CDH13: variants seen among roughly 807,000 people sequenced by gnomAD.
CDH13 encodes cadherin 13.
Under a neutral mutation model 63.8 loss-of-function variants are expected in CDH13, and 24 were observed. The ratio of observed to expected loss-of-function variants is 0.38; its 90% CI spans 0.27 to 0.53. The LOEUF is 0.53. Among genes scored for constraint, CDH13 ranks in the 20% least tolerant of loss-of-function variants. The pLI, the probability that CDH13 is intolerant of heterozygous loss-of-function variation, is 0.85. For missense variants in CDH13, 1,049 were observed against 903.1 expected (o/e 1.16, Z -2.07); for synonymous variants, 503 against 355.3 (o/e 1.42, Z -4.67).
intron 2 of CDH13, among the ~76,000 whole-genome samples, chr16:82,974,588 T>G (rs1909234289): frequency 6.6e-6 from 1 of 152,052 alleles, no homozygotes; most frequent in Non-Finnish European, 1.5e-5. Context: ...CAGATGTAAT[T>G]AGATTAAAAT....
chr16:83,035,120 A>G (rs779796628), intron 3 of CDH13, among the ~76,000 whole-genome samples: 3 of 152,198 alleles, frequency 2.0e-5, no homozygotes, highest in Non-Finnish European at 4.4e-5. Context: ...AAAATGAAGG[A>G]AAACAAAATA....
chr16:83,707,060 A>G (rs1907187622), intron 10 of CDH13, among the ~76,000 whole-genome samples: 1 of 152,210 alleles, frequency 6.6e-6, no homozygotes, highest in Non-Finnish European at 1.5e-5. Context: ...GATAAACAGC[A>G]CATCTACTCT....
chr16:83,376,844 T>C (rs1037042825), intron 6 of CDH13, among the ~76,000 whole-genome samples: 6 of 152,158 alleles, frequency 3.9e-5, no homozygotes, highest in Non-Finnish European at 7.3e-5. Flanking sequence ...ACTTCTTTGA[T>C]CCAGGCCTTA....
intron 4 of CDH13, among the ~76,000 whole-genome samples, chr16:83,170,943 T>C (rs1259389682): frequency 6.6e-6 from 1 of 152,100 alleles, no homozygotes; most frequent in African/African-American, 2.4e-5. Context: ...CCATCGTCGC[T>C]ATCCTCTTCT....
In CDH13 at chr16:83,344,920, A is replaced by G; in HGVS notation, c.695A>G (p.Glu232Gly). ...GKTLEGPVPL[E>G]VIVIDQNDNR... ...ACTCTCGAGGGGCCGGTGCCTCTGG[A>G]AGTCATTGTGATTGATCAGAATGAC... Residue 232 changes from glutamate to glycine, a missense_variant, in exon 6 of 14, where the codon GAA (glutamate) becomes GGA (glycine). Glu to Gly is a moderately conservative substitution (Grantham distance 98). Transcript: ENST00000567109. 1 of 1,614,022 alleles carries G rather than the reference A, an allele frequency of 6.2e-7. No individual in the cohort carries two copies. Among genetic ancestry groups the G allele is most frequent in the Non-Finnish European group, 8.5e-7 (1 of 1,179,856 alleles).
intron 7 of CDH13, 111 bp from the exon 8 acceptor site, chr16:83,602,342 TA>T: frequency 9.9e-7 from 1 of 1,010,100 alleles, no homozygotes; most frequent in East Asian, 2.4e-5. Flanking sequence ...TAAAGATGCC[TA>T]CCCTAGATGG....
rs1191816643 is a variant in CDH13, at chr16:83,185,369, A to T, written c.484-31976A>T. On this transcript the variant is annotated intron_variant, in intron 4 of 13. Transcript: ENST00000567109. ...CTGCACCTTGTAATTTCTGGCAACT[A>T]ATAATTTCTCAGTAAGTTTCTGTGT... is the stretch of plus-strand genomic sequence containing the variant. Among the ~76,000 whole-genome samples the T allele has an allele frequency of 2.0e-5, 3 of 152,340 alleles. No individual in the cohort carries two copies. In the East Asian group the frequency reaches 5.8e-4, roughly 29 times the overall value.
chr16:82,941,422 G>A (rs1271252398), intron 2 of CDH13, among the ~76,000 whole-genome samples: 1 of 151,982 alleles, frequency 6.6e-6, no homozygotes, highest in Non-Finnish European at 1.5e-5. Context: ...CCTACCAAAG[G>A]TCCCCTCCTA....
chr16:82,627,192 G>A (rs985141333), intron 1 of CDH13, 55 bp downstream of exon 1: 7 of 1,495,796 alleles, frequency 4.7e-6, no homozygotes, highest in Admixed American at 3.7e-5. Flanking sequence ...CATTCGGATC[G>A]CCCGGCACGG....
chr16:83,745,060 ATAT>A (rs1259755146), intron 10 of CDH13, among the ~76,000 whole-genome samples: 1 of 152,162 alleles, frequency 6.6e-6, no homozygotes, highest in Non-Finnish European at 1.5e-5. Context: ...GGGAGGAATA[ATAT>A]TATCAACCTC....
chr16:82,872,351 C>T (rs183217458), intron 2 of CDH13, among the ~76,000 whole-genome samples: 3 of 152,312 alleles, frequency 2.0e-5, no homozygotes, highest in East Asian at 1.9e-4. Context: ...TGTTGAGTGT[C>T]TTCACTCACT....
intron 7 of CDH13, among the ~76,000 whole-genome samples, chr16:83,577,726 G>A (rs543774278): frequency 5.9e-5 from 9 of 152,180 alleles, no homozygotes; most frequent in African/African-American, 1.9e-4. Flanking sequence ...CATCCCCCTC[G>A]AAATCACGTA....
intron 2 of CDH13, among the ~76,000 whole-genome samples, chr16:82,955,252 G>T (rs1905897583): frequency 6.6e-6 from 1 of 152,166 alleles, no homozygotes; most frequent in African/African-American, 2.4e-5. Context: ...AATTAAGCAA[G>T]ATGCCTGCCT....
At chr16:83,028,115 G>T (rs1035274554) in intron 2 of CDH13, among the ~76,000 whole-genome samples, 1 of 152,260 alleles carries the variant, frequency 6.6e-6, no homozygotes, top group Admixed American at 6.5e-5. Context: ...CTGTGATCCT[G>T]TTCGAGGGTT....
chr16:83,394,832 G>A (rs1361856726), intron 6 of CDH13, among the ~76,000 whole-genome samples: 1 of 152,094 alleles, frequency 6.6e-6, no homozygotes, highest in African/African-American at 2.4e-5. Context: ...GATGGATGGT[G>A]TGTGTGGTTC....
At chr16:83,418,695 A>G (rs764703513) in intron 6 of CDH13, among the ~76,000 whole-genome samples, 1 of 151,966 alleles carries the variant, frequency 6.6e-6, no homozygotes, top group African/African-American at 2.4e-5. Context: ...TAGCAAAGAG[A>G]GAGAGAGAGA....
intron 6 of CDH13, among the ~76,000 whole-genome samples, chr16:83,381,649 C>T (rs189449598): frequency 6.6e-6 from 1 of 152,012 alleles, no homozygotes; most frequent in Non-Finnish European, 1.5e-5. Flanking sequence ...AAAAAGCTCA[C>T]CTAAACCCAC....
intron 6 of CDH13, among the ~76,000 whole-genome samples, chr16:83,410,441 C>T (rs1232215884): frequency 6.6e-6 from 1 of 152,014 alleles, no homozygotes; most frequent in Non-Finnish European, 1.5e-5. Flanking sequence ...AGCATCTGAC[C>T]ACAATCTATA....
intron 2 of CDH13, among the ~76,000 whole-genome samples, chr16:82,933,899 G>A (rs955149479): frequency 1.8e-4 from 28 of 152,340 alleles, no homozygotes; most frequent in African/African-American, 5.8e-4. Flanking sequence ...ATGGCCTTGG[G>A]CAGCTTTGTC....
Sources: gnomAD v4.1 joint callset for allele counts (sites outside exome capture counted in the v4.1 genomes callset) on GRCh38, gnomAD v4.1.1 for gene constraint, MANE v1.5 for transcripts, NCBI Gene and HGNC (gene_info 2026-07-23, HGNC 2026-07-21) for gene names.